The following RAB28 variants were observed in gnomAD, a reference collection of about 807,000 sequenced individuals.
RAB28 encodes the protein RAB28, member RAS oncogene family, also known as ras-related protein Rab-28.
A neutral mutation model predicts 31.7 loss-of-function variants in RAB28; 24 were observed. The observed-to-expected ratio is 0.76, with a 90% CI of 0.55 to 1.06. The LOEUF (loss-of-function observed/expected upper bound fraction) is 1.06. RAB28 is among the 50% of genes least tolerant of loss of function. The pLI is 0.00. For synonymous variants in RAB28, 100 were observed against 90.4 expected (o/e 1.11, Z -0.60); for missense variants, 254 against 258.5 (o/e 0.98, Z 0.12).
At chr4:13,468,050 T>TC (rs1350252691) in intron 3 of RAB28, among the ~76,000 whole-genome samples, 4 of 151,896 alleles carry the variant, frequency 2.6e-5, no homozygotes, top group African/African-American at 9.7e-5. Flanking sequence ...AAGTCAGTCC[T>TC]CCAAGAAGAC....
At chr4:13,378,910 A>G (rs904170510) in intron 5 of RAB28, among the ~76,000 whole-genome samples, 11 of 152,032 alleles carry the variant, frequency 7.2e-5, no homozygotes, top group Admixed American at 3.3e-4. Flanking sequence ...GAGAGAAGAG[A>G]AGCTATGAAA....
At chr4:13,443,748 A>G (rs533478421) in intron 4 of RAB28, among the ~76,000 whole-genome samples, 7 of 152,148 alleles carry the variant, frequency 4.6e-5, no homozygotes, top group Non-Finnish European at 8.8e-5. Flanking sequence ...CTATGTTTCT[A>G]TTAACTGTAG....
chr4:13,469,690 A>C (rs2108968180), intron 3 of RAB28, among the ~76,000 whole-genome samples: 1 of 152,064 alleles, frequency 6.6e-6, no homozygotes, highest in African/African-American at 2.4e-5. Flanking sequence ...TCAAGGTAAT[A>C]ATCGACAGCA....
chr4:13,479,355 C>T (rs2108977023), intron 2 of RAB28, 75 bp downstream of exon 2: 1 of 1,097,594 alleles, frequency 9.1e-7, no homozygotes, highest in East Asian at 2.4e-5. Flanking sequence ...CAAAATTTTA[C>T]ACATTTCTTT....
At chr4:13,481,029 A>G (rs1439223322) in intron 1 of RAB28, among the ~76,000 whole-genome samples, 1 of 152,032 alleles carries the variant, frequency 6.6e-6, no homozygotes, top group Non-Finnish European at 1.5e-5. Flanking sequence ...TGAAATACTT[A>G]AAGGTCAAAG....
intron 6 of RAB28, chr4:13,369,998 G>GA: frequency 6.6e-7 from 1 of 1,526,318 alleles, no homozygotes; most frequent in South Asian, 1.3e-5. Context: ...ATGAGACAAA[G>GA]AAAAAAGAAT....
Position 13,368,665 on chromosome 4 carries a change from A to C in RAB28, c.574-15T>G. On this transcript the variant is annotated splice_polypyrimidine_tract_variant and intron_variant, in intron 6 of 6. Transcript: ENST00000330852. Reference sequence around the variant, plus strand: ...TTCACCACCCTCTGTCATAAAAGAAAACAGAGTTATTATCAGGATATCAGA... The same window carrying C: ...TTCACCACCCTCTGTCATAAAAGAACACAGAGTTATTATCAGGATATCAGA... The C allele has an allele frequency of 6.3e-7, 1 of 1,594,448 alleles. No individual in the cohort carries two copies. The highest frequency in any genetic ancestry group is 1.1e-5 in the South Asian group (1 of 90,076).
chr4:13,421,239 C>T (rs1235786621), intron 4 of RAB28, among the ~76,000 whole-genome samples: 1 of 152,174 alleles, frequency 6.6e-6, no homozygotes, highest in Non-Finnish European at 1.5e-5. Context: ...CAAACCACTG[C>T]TCAATGAAAT....
At chr4:13,451,023 T>A (rs900350298) in intron 4 of RAB28, among the ~76,000 whole-genome samples, 8 of 151,816 alleles carry the variant, frequency 5.3e-5, no homozygotes, top group African/African-American at 1.9e-4. Context: ...CCAAAGAGTT[T>A]TAAGCAGAAA....
At chr4:13,391,243 A>G (rs1212415555) in intron 4 of RAB28, among the ~76,000 whole-genome samples, 1 of 152,224 alleles carries the variant, frequency 6.6e-6, no homozygotes, top group Non-Finnish European at 1.5e-5. Flanking sequence ...AAAGTGGGCA[A>G]AGGATATGAA....
chr4:13,392,882 TA>T (rs1729702911), intron 4 of RAB28, among the ~76,000 whole-genome samples: 1 of 152,166 alleles, frequency 6.6e-6, no homozygotes, highest in African/African-American at 2.4e-5. Context: ...TTCTCATCTA[TA>T]AAATGAAAAC....
chr4:13,393,874 A>C (rs944599963), intron 4 of RAB28, among the ~76,000 whole-genome samples: 3 of 150,288 alleles, frequency 2.0e-5, no homozygotes, highest in African/African-American at 7.4e-5. Flanking sequence ...AAAAAAAAAA[A>C]CAGTACATGC....
At chr4:13,427,033 T>G (rs1713534991) in intron 4 of RAB28, among the ~76,000 whole-genome samples, 1 of 152,158 alleles carries the variant, frequency 6.6e-6, no homozygotes, top group Non-Finnish European at 1.5e-5. Flanking sequence ...AGGTGTATAG[T>G]GTAAGAAAAT....
At chr4:13,381,460 C>T (rs776336785) in intron 5 of RAB28, 31 bp downstream of exon 5, 10 of 1,454,730 alleles carry the variant, frequency 6.9e-6, no homozygotes, top group Non-Finnish European at 9.6e-7. Context: ...AAAAGGAAAA[C>T]ATCACATACA....
Position 13,424,107 on chromosome 4 carries a change from C to T in RAB28, c.391+36592G>A, listed in dbSNP as rs150326561. Reference sequence around the variant, plus strand: ...TTATGTAAAGTGTTGGATGAAAAAACGAAAAGTTTTTTAAGTATCTATGAG... The same window carrying T: ...TTATGTAAAGTGTTGGATGAAAAAATGAAAAGTTTTTTAAGTATCTATGAG... On this transcript the variant is annotated intron_variant, in intron 4 of 6. Transcript: ENST00000330852. Among the ~76,000 whole-genome samples the T allele has an allele frequency of 4.0e-3, 605 of 152,242 alleles. 4 individuals are homozygous for T. Among genetic ancestry groups the T allele is most frequent in the African/African-American group, 0.014 (576 of 41,534 alleles).
intron 5 of RAB28, among the ~76,000 whole-genome samples, chr4:13,380,302 C>G (rs1202458691): frequency 6.6e-6 from 1 of 151,886 alleles, no homozygotes. Flanking sequence ...AGAAAAACAT[C>G]AAAAATCTTA....
chr4:13,444,476 C>T (rs912348103), intron 4 of RAB28, among the ~76,000 whole-genome samples: 1 of 152,226 alleles, frequency 6.6e-6, no homozygotes, highest in African/African-American at 2.4e-5. Context: ...AATAATGCTG[C>T]AATGAACTTG....
intron 4 of RAB28, among the ~76,000 whole-genome samples, chr4:13,457,592 C>T (rs1010011446): frequency 2.7e-5 from 4 of 147,274 alleles, no homozygotes; most frequent in Non-Finnish European, 3.0e-5. Context: ...ATAGCTATGC[C>T]AAAAGTAAAA....
At chr4:13,459,121 C>T (rs1715458909) in intron 4 of RAB28, among the ~76,000 whole-genome samples, 1 of 152,184 alleles carries the variant, frequency 6.6e-6, no homozygotes, top group Non-Finnish European at 1.5e-5. Context: ...TGCCCTCGAA[C>T]ATGAAACTCC....
Sources: gnomAD v4.1 joint callset for allele counts (sites outside exome capture counted in the v4.1 genomes callset) on GRCh38, gnomAD v4.1.1 for gene constraint, MANE v1.5 for transcripts, NCBI Gene and HGNC (gene_info 2026-07-23, HGNC 2026-07-21) for gene names.